GPHN: variants seen among roughly 807,000 people sequenced by gnomAD.
GPHN encodes gephyrin.
GPHN carries 17 observed loss-of-function variants against 95.5 expected under a neutral mutation model. The observed-to-expected ratio is 0.18, with a 90% CI of 0.12 to 0.27. The LOEUF (loss-of-function observed/expected upper bound fraction) is 0.27, where lower values mean the gene tolerates loss of function less well. Among genes scored for constraint, GPHN ranks in the 10% least tolerant of loss-of-function variants. The pLI, the probability that GPHN is intolerant of heterozygous loss-of-function variation, is 1.00. For missense variants in GPHN, 660 were observed against 978.1 expected, an observed-to-expected ratio of 0.67 and a Z score of 4.34; for synonymous variants, 320 against 322.5, an observed-to-expected ratio of 0.99 and a Z score of 0.08.
the GPHN span, among the ~76,000 whole-genome samples, chr14:67,483,099 C>T: frequency 7.2e-5 from 11 of 152,096 alleles, no homozygotes; most frequent in Non-Finnish European, 1.6e-4. Context: ...CAACCTCTGT[C>T]GCCCGGGTTC....
chr14:67,110,081 C>G, intron 13 of GPHN, 59 bp from the exon 14 acceptor site: 2 of 1,505,384 alleles, frequency 1.3e-6, no homozygotes, highest in South Asian at 2.3e-5. Context: ...ACATCCTCTG[C>G]AGACTTTTCC....
At chr14:67,563,092 C>A in the GPHN span, among the ~76,000 whole-genome samples, 1 of 152,212 alleles carries the variant, frequency 6.6e-6, no homozygotes, top group Non-Finnish European at 1.5e-5. Flanking sequence ...ATGTGAATGG[C>A]GGTTGGCTGT....
the GPHN span, among the ~76,000 whole-genome samples, chr14:67,202,576 T>C: frequency 6.6e-6 from 1 of 152,242 alleles, no homozygotes; most frequent in Non-Finnish European, 1.5e-5. Context: ...AGGTTATAAA[T>C]ATAAGAAGAG....
chr14:67,040,391 A>C (rs2074638703), intron 10 of GPHN, among the ~76,000 whole-genome samples: 1 of 152,168 alleles, frequency 6.6e-6, no homozygotes, highest in Non-Finnish European at 1.5e-5. Flanking sequence ...TCCTTCCAAA[A>C]AAATCTGGAG....
intron 4 of GPHN, among the ~76,000 whole-genome samples, chr14:66,841,076 G>A (rs2062068989): frequency 6.6e-6 from 1 of 151,402 alleles, no homozygotes; most frequent in African/African-American, 2.4e-5. Context: ...TGTTTAAGAT[G>A]TTGAGATAGA....
At chr14:67,225,348 C>A in the GPHN span, 13 of 850,926 alleles carry the variant, frequency 1.5e-5, no homozygotes, top group Admixed American at 3.6e-5. Context: ...TAAGTGGGAT[C>A]TTTTAACATT....
At chr14:67,625,242 A>G in the GPHN span, among the ~76,000 whole-genome samples, 4 of 152,326 alleles carry the variant, frequency 2.6e-5, no homozygotes, top group Admixed American at 2.0e-4. Context: ...CTGAAACCAT[A>G]TAACTGTTAG....
chr14:67,207,762 A>T, the GPHN span, among the ~76,000 whole-genome samples: 1 of 152,134 alleles, frequency 6.6e-6, no homozygotes, highest in Admixed American at 6.5e-5. Flanking sequence ...TTTTAGATAC[A>T]GGTTCTAAGT....
intron 9 of GPHN, among the ~76,000 whole-genome samples, chr14:67,019,248 G>A (rs2073474331): frequency 6.6e-6 from 1 of 152,140 alleles, no homozygotes; most frequent in Non-Finnish European, 1.5e-5. Context: ...TTTAAATTGT[G>A]TCTTTCCAAA....
At chr14:67,674,309 G>T in the GPHN span, 8 of 1,395,990 alleles carry the variant, frequency 5.7e-6, no homozygotes, top group South Asian at 1.3e-5. Flanking sequence ...GGAGGAAGGT[G>T]GGAGAATCTT....
chr14:66,812,980 G>A (rs553707945), intron 3 of GPHN, among the ~76,000 whole-genome samples: 1 of 152,196 alleles, frequency 6.6e-6, no homozygotes, highest in African/African-American at 2.4e-5. Context: ...TTTTTTATGG[G>A]TTATACAGTA....
chr14:67,340,456 G>GCTCT, the GPHN span: 6 of 1,613,428 alleles, frequency 3.7e-6, no homozygotes, highest in Non-Finnish European at 2.5e-6. Flanking sequence ...AACTCTTCTC[G>GCTCT]CTCTCTCTCA....
At chr14:66,925,139 A>G (rs1463116505) in intron 8 of GPHN, among the ~76,000 whole-genome samples, 4 of 152,116 alleles carry the variant, frequency 2.6e-5, no homozygotes, top group African/African-American at 9.7e-5. Flanking sequence ...AAAAATTTTA[A>G]TTTTGTGGGG....
intron 11 of GPHN, among the ~76,000 whole-genome samples, chr14:67,071,494 G>T (rs1196799586): frequency 1.3e-5 from 2 of 151,544 alleles, no homozygotes; most frequent in East Asian, 1.9e-4. Flanking sequence ...GGGATGGGGG[G>T]AGTGGGGAGG....
intron 3 of GPHN, among the ~76,000 whole-genome samples, chr14:66,820,012 GAT>G (rs1463674429): frequency 6.6e-5 from 10 of 152,054 alleles, no homozygotes; most frequent in Admixed American, 3.9e-4. Context: ...TATTAGAAGA[GAT>G]ATTATATGCT....
chr14:67,191,593 G>A, the GPHN span, among the ~76,000 whole-genome samples: 2 of 152,040 alleles, frequency 1.3e-5, no homozygotes, highest in African/African-American at 4.8e-5. Context: ...GAAAATAAAG[G>A]CACCCCACCC....
the GPHN span, chr14:67,205,136 G>A: frequency 1.3e-6 from 2 of 1,489,240 alleles, no homozygotes; most frequent in South Asian, 1.3e-5. Context: ...GAGAACTAGA[G>A]GGGTTACCGA....
At chr14:67,269,465 A>C in the GPHN span, among the ~76,000 whole-genome samples, 1 of 152,144 alleles carries the variant, frequency 6.6e-6, no homozygotes, top group African/African-American at 2.4e-5. Context: ...GTGTTATTGG[A>C]AAGTTTCCAT....
the GPHN span, chr14:67,323,550 G>A: frequency 8.3e-6 from 2 of 241,274 alleles, no homozygotes; most frequent in South Asian, 3.4e-4. Context: ...GCAGATTGAG[G>A]TTGCAGAGAG....
Sources: allele counts gnomAD v4.1 joint callset (sites outside exome capture counted in the v4.1 genomes callset), GRCh38; gene constraint gnomAD v4.1.1; transcripts MANE v1.5; gene names NCBI Gene and HGNC (gene_info 2026-07-23, HGNC 2026-07-21).